TRHDE: variants seen among roughly 807,000 people sequenced by gnomAD.
TRHDE encodes the protein thyrotropin-releasing hormone-degrading ectoenzyme.
In TRHDE, 72 loss-of-function variants were observed where a neutral mutation model predicts 125.7. That is an observed-to-expected ratio of 0.57 (90% CI 0.47 to 0.70). The LOEUF (loss-of-function observed/expected upper bound fraction) is 0.70. TRHDE is among the 30% of genes least tolerant of loss of function. The pLI is 0.00. For synonymous variants in TRHDE, 509 were observed against 509.1 expected, an observed-to-expected ratio of 1.00 and a Z score of 0.00; for missense variants, 1,110 against 1,327.1, an observed-to-expected ratio of 0.84 and a Z score of 2.54.
intron 13 of TRHDE, among the ~76,000 whole-genome samples, chr12:72,619,575 C>T (rs963041898): frequency 2.0e-5 from 3 of 152,166 alleles, no homozygotes; most frequent in African/African-American, 4.8e-5. Flanking sequence ...ACATGACAAA[C>T]ATTCCAAAAT....
chr12:72,339,709 T>C (rs1014262537), intron 2 of TRHDE, among the ~76,000 whole-genome samples: 2 of 152,184 alleles, frequency 1.3e-5, no homozygotes, highest in African/African-American at 4.8e-5. Context: ...ATGGTTTTAT[T>C]ATGTTAGGCA....
At chr12:72,493,059 G>T (rs534270622) in intron 5 of TRHDE, among the ~76,000 whole-genome samples, 118 of 151,850 alleles carry the variant, frequency 7.8e-4, no homozygotes, top group Non-Finnish European at 1.4e-3. Flanking sequence ...GCTTCTAACG[G>T]AGGACCTCCT....
At chr12:72,239,865 G>A (rs1185884147) in intron 2 of TRHDE, among the ~76,000 whole-genome samples, 2 of 152,158 alleles carry the variant, frequency 1.3e-5, no homozygotes, top group Non-Finnish European at 2.9e-5. Context: ...TGGATTACTT[G>A]TAGTACCTTG....
chr12:72,533,789 T>C (rs1311068429), intron 6 of TRHDE, among the ~76,000 whole-genome samples: 1 of 151,944 alleles, frequency 6.6e-6, no homozygotes, highest in Non-Finnish European at 1.5e-5. Context: ...GACAGTATTG[T>C]TATGCTTCAA....
At chr12:72,532,234 T>G (rs1015394183) in intron 6 of TRHDE, among the ~76,000 whole-genome samples, 1 of 151,890 alleles carries the variant, frequency 6.6e-6, no homozygotes, top group Non-Finnish European at 1.5e-5. Context: ...TAAATTCAAT[T>G]TTAGTAACAC....
At position 72,562,722 on chromosome 12, in the gene TRHDE, T is replaced by G. The variant is rs1474384365; in HGVS notation, c.1855-131T>G. 2.5e-5 allele frequency: 14 copies of G among 563,524 alleles called. No homozygotes were observed. In the Admixed American group the frequency reaches 3.4e-4, roughly 14 times the overall value. The allele number at this position is 563,524 out of a possible 1,614,324, so 34.9% of individuals were successfully genotyped here. ...GAAGATTAATTTCACTAACACATTA[T>G]ATTGGCTTCAATGACTTTAAATGTT... On this transcript the variant is annotated intron_variant, in intron 8 of 18. Coordinates refer to ENST00000261180, the MANE Select transcript of TRHDE (RefSeq NM_013381.3).
At chr12:72,362,319 G>A (rs953306154) in intron 2 of TRHDE, among the ~76,000 whole-genome samples, 1 of 149,934 alleles carries the variant, frequency 6.7e-6, no homozygotes, top group Non-Finnish European at 1.5e-5. Flanking sequence ...GCCAGTGATG[G>A]TGAGCATTTT....
At chr12:72,469,646 A>T in intron 3 of TRHDE, 112 bp from the exon 4 acceptor site, 1 of 1,199,048 alleles carries the variant, frequency 8.3e-7, no homozygotes, top group Non-Finnish European at 1.2e-6. Context: ...AAAAATCACT[A>T]AGTAAAATCA....
At chr12:72,400,689 T>C (rs1873004322) in intron 3 of TRHDE, among the ~76,000 whole-genome samples, 1 of 152,184 alleles carries the variant, frequency 6.6e-6, no homozygotes, top group Non-Finnish European at 1.5e-5. Context: ...GAATTACAGG[T>C]TGCATGTATT....
chr12:72,654,459 C>G (rs1428084961), intron 17 of TRHDE, among the ~76,000 whole-genome samples: 1 of 152,132 alleles, frequency 6.6e-6, no homozygotes, highest in African/African-American at 2.4e-5. Flanking sequence ...TCTGCAAGTT[C>G]TTCCTAATTT....
intron 1 of TRHDE, among the ~76,000 whole-genome samples, chr12:72,275,838 G>T (rs1435732670): frequency 6.6e-6 from 1 of 152,084 alleles, no homozygotes; most frequent in East Asian, 1.9e-4. Context: ...CAACTTGGTT[G>T]GAAGTTCAAC....
intron 14 of TRHDE, 93 bp from the exon 15 acceptor site, chr12:72,621,551 C>T (rs2136078973): frequency 1.0e-6 from 1 of 965,312 alleles, no homozygotes; most frequent in Middle Eastern, 3.2e-4. Flanking sequence ...GATCTAAAAA[C>T]CATTTTTATG....
intron 18 of TRHDE, among the ~76,000 whole-genome samples, chr12:72,661,712 T>C (rs1438025902): frequency 6.6e-6 from 1 of 152,156 alleles, no homozygotes; most frequent in Non-Finnish European, 1.5e-5. Flanking sequence ...GTCTGCAACA[T>C]TAATATTTAT....
intron 12 of TRHDE, among the ~76,000 whole-genome samples, chr12:72,590,619 A>T (rs1345167106): frequency 6.6e-6 from 1 of 152,108 alleles, no homozygotes; most frequent in Non-Finnish European, 1.5e-5. Context: ...AATTTATTTT[A>T]TCTGCTATTA....
At chr12:72,401,218 C>G (rs1873030067) in intron 3 of TRHDE, among the ~76,000 whole-genome samples, 1 of 152,140 alleles carries the variant, frequency 6.6e-6, no homozygotes, top group Non-Finnish European at 1.5e-5. Flanking sequence ...CTCAATTTCT[C>G]ATTAAGGAGT....
At chr12:72,344,814 G>A (rs1266146534) in intron 2 of TRHDE, among the ~76,000 whole-genome samples, 1 of 151,948 alleles carries the variant, frequency 6.6e-6, no homozygotes, top group East Asian at 1.9e-4. Context: ...AGCATCATGA[G>A]GAACACTCTT....
intron 6 of TRHDE, among the ~76,000 whole-genome samples, chr12:72,517,607 A>G (rs1878944878): frequency 6.6e-6 from 1 of 151,894 alleles, no homozygotes; most frequent in African/African-American, 2.4e-5. Context: ...TCCTGGATTC[A>G]TTAATTTTTT....
chr12:72,243,373 G>A (rs1350373303), intron 2 of TRHDE, among the ~76,000 whole-genome samples: 1 of 152,068 alleles, frequency 6.6e-6, no homozygotes, highest in African/African-American at 2.4e-5. Flanking sequence ...CTTTCAACCT[G>A]TGCTGTCCAG....
intron 7 of TRHDE, among the ~76,000 whole-genome samples, chr12:72,554,597 G>C (rs1042876838): frequency 6.6e-6 from 1 of 152,160 alleles, no homozygotes; most frequent in Admixed American, 6.6e-5. Context: ...TGGGCAACTT[G>C]ATTTACAAGA....
Sources: gnomAD v4.1 joint callset for allele counts (sites outside exome capture counted in the v4.1 genomes callset) on GRCh38, gnomAD v4.1.1 for gene constraint, MANE v1.5 for transcripts, NCBI Gene and HGNC (gene_info 2026-07-23, HGNC 2026-07-21) for gene names.